Variants in PBX1 observed in about 807,000 individuals in gnomAD.
The protein encoded by PBX1 is PBX homeobox 1, also known as pre-B-cell leukemia transcription factor 1.
A neutral mutation model predicts 53.4 loss-of-function variants in PBX1; 6 were observed. That is an observed-to-expected ratio of 0.11 (90% CI 0.06 to 0.22). The LOEUF (loss-of-function observed/expected upper bound fraction) is 0.22, where lower values mean the gene tolerates loss of function less well. Ranked by LOEUF, PBX1 falls within the 10% of genes least tolerant of loss-of-function variation. The pLI is 1.00. For missense variants in PBX1, 251 were observed against 551.4 expected, an observed-to-expected ratio of 0.46 and a Z score of 5.46; for synonymous variants, 204 against 212.3, an observed-to-expected ratio of 0.96 and a Z score of 0.34.
At chr1:164,654,545 G>A (rs1660033943) in intron 2 of PBX1, among the ~76,000 whole-genome samples, 1 of 152,206 alleles carries the variant, frequency 6.6e-6, no homozygotes, top group African/African-American at 2.4e-5. Flanking sequence ...AGTGATGTGA[G>A]AAATACTGGA....
At chr1:164,755,002 G>A (rs1666433334) in intron 2 of PBX1, among the ~76,000 whole-genome samples, 1 of 152,114 alleles carries the variant, frequency 6.6e-6, no homozygotes, top group Non-Finnish European at 1.5e-5. Flanking sequence ...AAAATATAAG[G>A]AGCTAAGAAT....
intron 2 of PBX1, among the ~76,000 whole-genome samples, chr1:164,713,785 C>T (rs1257392500): frequency 6.6e-6 from 1 of 152,174 alleles, no homozygotes; most frequent in East Asian, 1.9e-4. Flanking sequence ...ATTCATTAAT[C>T]TTTGAATAGC....
intron 2 of PBX1, among the ~76,000 whole-genome samples, chr1:164,734,215 G>T (rs181236355): frequency 4.6e-5 from 7 of 152,238 alleles, no homozygotes; most frequent in East Asian, 1.9e-4. Context: ...TTTTCTCCAA[G>T]AATTTAGTTG....
intron 2 of PBX1, among the ~76,000 whole-genome samples, chr1:164,612,280 T>G (rs1256957219): frequency 6.6e-6 from 1 of 152,304 alleles, no homozygotes; most frequent in East Asian, 1.9e-4. Context: ...CTGCCCCTTT[T>G]AATGCAATTT....
chr1:164,576,239 A>G (rs925494652), intron 2 of PBX1, among the ~76,000 whole-genome samples: 1 of 152,182 alleles, frequency 6.6e-6, no homozygotes, highest in Non-Finnish European at 1.5e-5. Context: ...ACCGTCGTAG[A>G]TTGTCGCCTG....
chr1:164,864,028 C>T (rs17390906), intron 2 of PBX1, among the ~76,000 whole-genome samples: 2,954 of 152,242 alleles, frequency 0.019, 41 homozygotes, highest in East Asian at 0.037. Flanking sequence ...GTTCTTCCCT[C>T]GTGAGCTCAG....
At chr1:164,830,080 A>G (rs1462939628) in intron 8 of PBX1, 1 of 152,170 alleles carries the variant, frequency 6.6e-6, no homozygotes, top group Non-Finnish European at 1.5e-5. Context: ...GAAGTTCTAG[A>G]TGCTCTGCCG....
intron 2 of PBX1, chr1:164,625,836 C>A: frequency 5.3e-6 from 3 of 568,982 alleles, no homozygotes; most frequent in Non-Finnish European, 6.8e-6. Flanking sequence ...AAAAAAAACA[C>A]CTTACATGAA....
At chr1:164,650,620 A>G (rs371433808) in intron 2 of PBX1, among the ~76,000 whole-genome samples, 1 of 152,264 alleles carries the variant, frequency 6.6e-6, no homozygotes, top group South Asian at 2.1e-4. Context: ...CATAGTCCCT[A>G]AAACTTTCCT....
intron 1 of PBX1, among the ~76,000 whole-genome samples, chr1:164,562,045 T>G (rs1457059527): frequency 1.3e-5 from 2 of 152,130 alleles, no homozygotes; most frequent in African/African-American, 4.8e-5. Flanking sequence ...AGATAGTATG[T>G]CCTTTTTTCC....
chr1:164,819,302 A>G (rs1670028788), intron 6 of PBX1: 1 of 152,100 alleles, frequency 6.6e-6, no homozygotes, highest in Non-Finnish European at 1.5e-5. Flanking sequence ...GCCCTTCTTG[A>G]GGCCCACTTA....
At chr1:164,860,883 G>A (rs998186962) in intron 2 of PBX1, among the ~76,000 whole-genome samples, 1 of 152,102 alleles carries the variant, frequency 6.6e-6, no homozygotes, top group Non-Finnish European at 1.5e-5. Context: ...AGGCAAAAAA[G>A]AAGAGGGAGA....
intron 2 of PBX1, among the ~76,000 whole-genome samples, chr1:164,736,304 G>A (rs546014996): frequency 2.0e-5 from 3 of 152,244 alleles, no homozygotes; most frequent in South Asian, 2.1e-4. Context: ...GAGTGTGTCC[G>A]CTGGCCCTGG....
At chr1:164,786,028 G>T (rs1472144567) in intron 2 of PBX1, among the ~76,000 whole-genome samples, 1 of 152,192 alleles carries the variant, frequency 6.6e-6, no homozygotes, top group East Asian at 1.9e-4. Context: ...GGAAGAGGTG[G>T]CAGAGAGAAC....
chr1:164,818,255 A>G (rs1669971103), intron 6 of PBX1: 2 of 152,222 alleles, frequency 1.3e-5, no homozygotes, highest in African/African-American at 4.8e-5. Context: ...TATGTTCAGG[A>G]AGACAGTTTC....
intron 2 of PBX1, among the ~76,000 whole-genome samples, chr1:164,591,166 C>G (rs1428747928): frequency 6.6e-6 from 1 of 152,116 alleles, no homozygotes; most frequent in African/African-American, 2.4e-5. Flanking sequence ...CATGTGTCAC[C>G]ATGCCCAGCT....
At chr1:164,560,302 C>A (rs917460125) in intron 1 of PBX1, 91 of 399,626 alleles carry the variant, frequency 2.3e-4, no homozygotes, top group African/African-American at 1.5e-3. Context: ...GCCGAAAATA[C>A]TGCCAACTGA....
intron 2 of PBX1, among the ~76,000 whole-genome samples, chr1:164,566,071 TTAA>T (rs1184180462): frequency 6.6e-6 from 1 of 152,180 alleles, no homozygotes; most frequent in African/African-American, 2.4e-5. Flanking sequence ...TTTGCATTTG[TTAA>T]TGATTTTATA....
intron 2 of PBX1, among the ~76,000 whole-genome samples, chr1:164,593,470 C>G (rs1022268933): frequency 2.0e-5 from 3 of 152,208 alleles, no homozygotes; most frequent in African/African-American, 7.2e-5. Context: ...CACCTTTTAC[C>G]TGATGAGAAA....
Sources: gnomAD v4.1 joint callset for allele counts (sites outside exome capture counted in the v4.1 genomes callset) on GRCh38, gnomAD v4.1.1 for gene constraint, MANE v1.5 for transcripts, NCBI Gene and HGNC (gene_info 2026-07-23, HGNC 2026-07-21) for gene names.